The following ARHGAP24 variants were observed in gnomAD, a reference collection of about 807,000 sequenced individuals.
ARHGAP24 encodes the protein Rho GTPase activating protein 24, also known as rho GTPase-activating protein 24.
In ARHGAP24, 50 loss-of-function variants were observed where a neutral mutation model predicts 76.4. That is an observed-to-expected ratio of 0.65 (90% CI 0.52 to 0.83). The LOEUF (loss-of-function observed/expected upper bound fraction) is 0.83. Ranked by LOEUF, ARHGAP24 falls within the 40% of genes least tolerant of loss-of-function variation. ARHGAP24 has a pLI of 0.00. For missense variants in ARHGAP24, 930 were observed against 914.2 expected, an observed-to-expected ratio of 1.02 and a Z score of -0.22; for synonymous variants, 345 against 323.3, an observed-to-expected ratio of 1.07 and a Z score of -0.72.
chr4:85,923,926 C>T (rs1268316020), intron 4 of ARHGAP24, among the ~76,000 whole-genome samples, 156 bp downstream of exon 4: 3 of 152,088 alleles, frequency 2.0e-5, no homozygotes, highest in Admixed American at 1.3e-4. Context: ...CGTATGTCTT[C>T]GTAAATCCTA....
At chr4:85,499,332 T>C (rs1723706730) in intron 1 of ARHGAP24, among the ~76,000 whole-genome samples, 1 of 152,228 alleles carries the variant, frequency 6.6e-6, no homozygotes, top group Non-Finnish European at 1.5e-5. Flanking sequence ...ATCTCTCTAT[T>C]TGATTTCAAT....
At chr4:85,645,937 TGTTA>T (rs927128246) in intron 2 of ARHGAP24, among the ~76,000 whole-genome samples, 50 of 152,080 alleles carry the variant, frequency 3.3e-4, no homozygotes, top group African/African-American at 1.2e-3. Flanking sequence ...AAATCATAGA[TGTTA>T]GTTCTATCTC....
At chr4:85,571,012 A>T (rs150161823) in intron 2 of ARHGAP24, 4 of 297,890 alleles carry the variant, frequency 1.3e-5, no homozygotes, top group Non-Finnish European at 2.5e-5. Context: ...ATTTTAGTAG[A>T]CATCTGCTAA....
chr4:86,000,490 G>T lies in ARHGAP24; in HGVS notation c.2015G>T (p.Arg672Leu). ...AACATCCTTTGTAGCTTAGAACAGCGAAACTTGACTTTGGAAACAGAAATG... is the reference window on the plus strand; with the variant it reads ...AACATCCTTTGTAGCTTAGAACAGCTAAACTTGACTTTGGAAACAGAAATG... ...YESRIKSLEQRNLTLETEMMS... is the reference protein window; with the variant it reads ...YESRIKSLEQLNLTLETEMMS... The change falls in exon 10 of 10, where the codon CGA becomes CTA. Residue 672 changes from arginine (R) to leucine (L), a missense_variant. By Grantham distance (102) the Arg-to-Leu change is moderately radical (BLOSUM62 -2). Transcript: ENST00000395184. 6.5e-7 allele frequency: 1 copy of T among 1,532,962 alleles called. No individual in the cohort carries two copies. The highest frequency in any genetic ancestry group is 1.1e-5 in the South Asian group (1 of 89,242). The allele number at this position is 1,532,962 out of a possible 1,614,324, so 95.0% of individuals were successfully genotyped here. A position where few individuals can be genotyped will look rare whatever the true frequency, so the allele number is the denominator to read the frequency against.
At chr4:85,647,674 G>A (rs1474340945) in intron 2 of ARHGAP24, among the ~76,000 whole-genome samples, 2 of 152,118 alleles carry the variant, frequency 1.3e-5, no homozygotes, top group Admixed American at 1.3e-4. Context: ...TCAGGAGAGT[G>A]CTGTCCCCTA....
intron 3 of ARHGAP24, among the ~76,000 whole-genome samples, chr4:85,726,763 C>T (rs1022188083): frequency 3.3e-5 from 5 of 152,170 alleles, no homozygotes; most frequent in African/African-American, 1.2e-4. Flanking sequence ...GCTGTTTGCA[C>T]GTATCGCTTT....
chr4:86,000,920 G>T lies in ARHGAP24; in HGVS notation c.*198G>T. On this transcript the variant is annotated 3_prime_UTR_variant, in exon 10 of 10. Coordinates refer to ENST00000395184, the MANE Select transcript of ARHGAP24 (RefSeq NM_001025616.3). ...TCATGCCCCATAATGCTACTGTCAAGTGTTACAACTGGATATGTGTATATA... is the reference window on the plus strand; with the variant it reads ...TCATGCCCCATAATGCTACTGTCAATTGTTACAACTGGATATGTGTATATA... 1 of 747,680 alleles carries T rather than the reference G, an allele frequency of 1.3e-6. No homozygotes were observed. Among genetic ancestry groups the T allele is most frequent in the Non-Finnish European group, 2.1e-6 (1 of 470,186 alleles). The allele number at this position is 747,680 out of a possible 1,614,324, so 46.3% of individuals were successfully genotyped here. A position where few individuals can be genotyped will look rare whatever the true frequency, so the allele number is the denominator to read the frequency against.
chr4:85,600,558 AG>A (rs770234722), intron 2 of ARHGAP24, among the ~76,000 whole-genome samples: 6 of 152,178 alleles, frequency 3.9e-5, no homozygotes, highest in Non-Finnish European at 8.8e-5. Flanking sequence ...TATGGAATAA[AG>A]TGTGTATTAA....
intron 3 of ARHGAP24, among the ~76,000 whole-genome samples, chr4:85,772,878 A>G (rs951257155): frequency 6.6e-6 from 1 of 152,172 alleles, no homozygotes; most frequent in African/African-American, 2.4e-5. Context: ...AAGTTTTGAA[A>G]ATGTCCAAAA....
chr4:85,742,414 G>T (rs1265359453), intron 3 of ARHGAP24, among the ~76,000 whole-genome samples: 2 of 152,164 alleles, frequency 1.3e-5, no homozygotes, highest in African/African-American at 4.8e-5. Flanking sequence ...GCTTGATTTT[G>T]CTCTCTAGTT....
intron 4 of ARHGAP24, chr4:85,930,883 A>G (rs1560725579): frequency 1.2e-6 from 2 of 1,612,496 alleles, no homozygotes; most frequent in Admixed American, 1.7e-5. Context: ...GCTCAGAGGC[A>G]GGTTTTAAAG....
At chr4:85,922,016 A>T (rs937004780) in intron 3 of ARHGAP24, among the ~76,000 whole-genome samples, 2 of 152,182 alleles carry the variant, frequency 1.3e-5, no homozygotes, top group Non-Finnish European at 2.9e-5. Context: ...GGAACTAGAC[A>T]TGTAAAAGAA....
chr4:85,744,845 TTTG>T (rs571135134), intron 3 of ARHGAP24, among the ~76,000 whole-genome samples: 212 of 152,342 alleles, frequency 1.4e-3, no homozygotes, highest in African/African-American at 5.0e-3. Context: ...ATGCCATTTG[TTTG>T]TTAAGTCCTT....
At position 85,485,173 on chromosome 4, in the gene ARHGAP24, G is replaced by A. The variant is rs1391898461; in HGVS notation, c.-21+9614G>A. 4.0e-5 allele frequency among the ~76,000 whole-genome samples: 6 copies of A among 149,652 alleles called. No individual in the cohort carries two copies. In the South Asian group the frequency reaches 8.5e-4, roughly 21 times the overall value. On this transcript the variant is annotated intron_variant, in intron 1 of 9. Coordinates refer to ENST00000395184, the MANE Select transcript of ARHGAP24 (RefSeq NM_001025616.3). ...ATCCTGGCTAACACGGTGAAACCCC[G>A]TCTCTACTAAAAAAAATACAAAAAA...
chr4:85,921,806 C>T (rs1239615354), intron 3 of ARHGAP24, among the ~76,000 whole-genome samples: 1 of 152,062 alleles, frequency 6.6e-6, no homozygotes, highest in African/African-American at 2.4e-5. Flanking sequence ...AGGAGCAAAC[C>T]CTGTTGTGAA....
At chr4:85,816,503 A>G (rs986586911) in intron 3 of ARHGAP24, among the ~76,000 whole-genome samples, 2 of 152,212 alleles carry the variant, frequency 1.3e-5, no homozygotes, top group African/African-American at 4.8e-5. Context: ...AGTTTTCAAC[A>G]TTATATATAC....
intron 1 of ARHGAP24, among the ~76,000 whole-genome samples, chr4:85,480,479 C>G (rs1480611201): frequency 6.6e-6 from 1 of 151,998 alleles, no homozygotes; most frequent in Non-Finnish European, 1.5e-5. Context: ...CTTTTAATAC[C>G]CTTATGATAC....
chr4:85,877,441 A>G (rs1732999813), intron 3 of ARHGAP24, among the ~76,000 whole-genome samples: 1 of 152,158 alleles, frequency 6.6e-6, no homozygotes, highest in African/African-American at 2.4e-5. Context: ...CCTGGGCAAC[A>G]TTGCAAAATC....
intron 1 of ARHGAP24, among the ~76,000 whole-genome samples, chr4:85,519,880 G>T (rs917613851): frequency 6.6e-6 from 1 of 152,086 alleles, no homozygotes. Context: ...CCCGACTGTG[G>T]TGTGGATGTC....
Sources: allele counts gnomAD v4.1 joint callset (sites outside exome capture counted in the v4.1 genomes callset), GRCh38; gene constraint gnomAD v4.1.1; transcripts MANE v1.5; gene names NCBI Gene and HGNC (gene_info 2026-07-23, HGNC 2026-07-21).